RAB11FIP3: variants seen among roughly 807,000 people sequenced by gnomAD.
The protein encoded by RAB11FIP3 is RAB11 family interacting protein 3, also known as rab11 family-interacting protein 3.
In RAB11FIP3, 17 loss-of-function variants were observed where a neutral mutation model predicts 77.8. That is an observed-to-expected ratio of 0.22 (90% CI 0.15 to 0.33). RAB11FIP3 has a LOEUF of 0.33. Among genes scored for constraint, RAB11FIP3 ranks in the 10% least tolerant of loss-of-function variants. The probability of loss-of-function intolerance (pLI) is 1.00; values close to 1 mark genes in which losing one functional copy is unlikely to be tolerated. For synonymous variants in RAB11FIP3, 437 were observed against 448.2 expected (o/e 0.98, Z 0.31); for missense variants, 1,005 against 1,011.2 (o/e 0.99, Z 0.08).
In RAB11FIP3 at chr16:436,465, C is replaced by CATTTATTT. The variant is rs201364080; in HGVS notation, c.714+9758_714+9765dup. ...ATGCCCCCACACCCAGCCAATGTTT[C>CATTTATTT]ATTTATTTATTTATTTATTTGTTTA... is the stretch of plus-strand genomic sequence containing the variant. On this transcript the variant is annotated intron_variant, in intron 1 of 13. Transcript: ENST00000262305. 5.9e-3 allele frequency among the ~76,000 whole-genome samples: 893 copies of CATTTATTT among 151,984 alleles called. 13 individuals carry two copies. Among genetic ancestry groups the CATTTATTT allele is most frequent in the African/African-American group, 0.02 (847 of 41,406 alleles).
chr16:471,162 CCCCCCCCAGGG>C lies in RAB11FIP3; in HGVS notation c.809-127_809-117del. 1 of 669,492 alleles carries C rather than the reference CCCCCCCCAGGG, an allele frequency of 1.5e-6. No individual in the cohort carries two copies. Among genetic ancestry groups the C allele is most frequent in the Non-Finnish European group, 2.6e-6 (1 of 384,638 alleles). 41.5% of individuals were successfully genotyped at this position (669,492 alleles called of 1,614,324 possible). A position where few individuals can be genotyped will look rare whatever the true frequency, so the allele number is the denominator to read the frequency against. On this transcript the variant is annotated intron_variant, in intron 2 of 13. Coordinates refer to ENST00000262305, the MANE Select transcript of RAB11FIP3 (RefSeq NM_014700.4). The surrounding 1 kb of genome is among the most constrained non-coding windows in gnomAD (Gnocchi z 4.4). ...ATGCTCACTCCCTTGCTTGTCTTGACCCCCCCCAGGGCCCCCAACTCCCACACATCTGTCCC... is the reference window on the plus strand; with the variant it reads ...ATGCTCACTCCCTTGCTTGTCTTGACCCCCCAACTCCCACACATCTGTCCC...
intron 5 of RAB11FIP3, among the ~76,000 whole-genome samples, chr16:492,592 T>C (rs1165573295): frequency 7.1e-6 from 1 of 140,482 alleles, no homozygotes; most frequent in Non-Finnish European, 1.5e-5. Flanking sequence ...GAAATCAGTT[T>C]CTGCCTGCGT....
At chr16:447,460 C>T (rs549190146) in intron 1 of RAB11FIP3, among the ~76,000 whole-genome samples, 2 of 152,242 alleles carry the variant, frequency 1.3e-5, no homozygotes, top group East Asian at 1.9e-4. Context: ...ATATTGTGGC[C>T]GGGCGCAGTG....
chr16:510,278 CGCG>C (rs1427322063), intron 8 of RAB11FIP3, among the ~76,000 whole-genome samples: 13 of 152,278 alleles, frequency 8.5e-5, no homozygotes, highest in African/African-American at 2.6e-4. Context: ...TCTGAGCGCA[CGCG>C]TTGTGTGTAG....
Position 426,871 on chromosome 16 carries a change from G to A in RAB11FIP3, c.714+151G>A. The A allele has an allele frequency of 1.9e-6, 1 of 535,544 alleles. No homozygotes were observed. The highest frequency in any genetic ancestry group is 3.3e-5 in the East Asian group (1 of 29,976). The allele number at this position is 535,544 out of a possible 1,614,324, so 33.2% of individuals were successfully genotyped here. The stretch of plus-strand genomic sequence containing the variant: ...GCTTTTTCTGCTTATTCACCACTTC[G>A]GCCCTGGATTTCTGGTTGAATTGCG... On this transcript the variant is annotated intron_variant, in intron 1 of 13. Coordinates refer to ENST00000262305, the MANE Select transcript of RAB11FIP3 (RefSeq NM_014700.4). This position sits in a 1 kb window ranked among gnomAD's most constrained non-coding sequence, Gnocchi z 5.0.
At chr16:476,207 G>C (rs2055904847) in intron 3 of RAB11FIP3, among the ~76,000 whole-genome samples, 1 of 152,206 alleles carries the variant, frequency 6.6e-6, no homozygotes, top group Non-Finnish European at 1.5e-5. Context: ...CGGAGCGTGT[G>C]AGTTCCAGGC....
At chr16:447,574 A>G (rs1173203756) in intron 1 of RAB11FIP3, among the ~76,000 whole-genome samples, 4 of 152,120 alleles carry the variant, frequency 2.6e-5, no homozygotes, top group Non-Finnish European at 4.4e-5. Context: ...CGTCTCTCCT[A>G]ATAGTACAAA....
rs776010023 is a variant in RAB11FIP3, at chr16:426,335, C to A, written c.329C>A (p.Pro110Gln). Residue 110 changes from proline (P) to glutamine (Q), a missense_variant, in exon 1 of 14, where the codon CCG (proline) becomes CAG (glutamine). Physicochemically the swap from Pro to Gln is moderately conservative, Grantham distance 76 (BLOSUM62 -1). This residue lies in a region of RAB11FIP3 where 466 missense variants were observed against 408.3 expected (regional missense o/e 1.14). Transcript: ENST00000262305. This position sits in a 1 kb window ranked among gnomAD's most constrained non-coding sequence, Gnocchi z 5.0. ...AGCCCCGACGCCCCGGGCCCAGGGC[C>A]GCGCTCCGAAGCGCCGCTTCCAGAA... ...LASPDAPGPG[P>Q]RSEAPLPELD... The A allele has an allele frequency of 1.3e-6, 2 of 1,492,404 alleles. No homozygotes were observed. The highest frequency in any genetic ancestry group is 1.8e-6 in the Non-Finnish European group (2 of 1,121,342). The allele number at this position is 1,492,404 out of a possible 1,614,324, so 92.4% of individuals were successfully genotyped here.
In RAB11FIP3 at chr16:505,461, C is replaced by A; in HGVS notation, c.1396-63C>A. 7.2e-7 allele frequency: 1 copy of A among 1,386,168 alleles called. No homozygotes were observed. Among genetic ancestry groups the A allele is most frequent in the South Asian group, 1.3e-5 (1 of 78,696 alleles). The allele number at this position is 1,386,168 out of a possible 1,614,324, so 85.9% of individuals were successfully genotyped here. On this transcript the variant is annotated intron_variant, in intron 7 of 13. Coordinates refer to ENST00000262305, the MANE Select transcript of RAB11FIP3 (RefSeq NM_014700.4). The surrounding 1 kb of genome is among the most constrained non-coding windows in gnomAD (Gnocchi z 4.0). ...CCCAGGCGGCCTCCCAGGTTGTTCC[C>A]TTGGGGGTGCAGGCCCTTCTGCTTC... is the stretch of plus-strand genomic sequence containing the variant.
intron 5 of RAB11FIP3, among the ~76,000 whole-genome samples, chr16:494,598 G>T (rs1011054310): frequency 1.3e-5 from 2 of 151,962 alleles, no homozygotes; most frequent in Admixed American, 6.5e-5. Flanking sequence ...CTCCAGCCTG[G>T]GTGACACAGT....
intron 1 of RAB11FIP3, among the ~76,000 whole-genome samples, chr16:447,347 C>T (rs964284674): frequency 2.6e-5 from 4 of 152,034 alleles, no homozygotes; most frequent in African/African-American, 7.2e-5. Context: ...GATGGCGTCT[C>T]GCTCTGTCAC....
At chr16:495,596 C>T (rs2031052876) in intron 5 of RAB11FIP3, among the ~76,000 whole-genome samples, 1 of 152,206 alleles carries the variant, frequency 6.6e-6, no homozygotes, top group African/African-American at 2.4e-5. Flanking sequence ...GCTGTGTTCA[C>T]TCCTCGGCTC....
chr16:507,947 C>G lies in RAB11FIP3; in HGVS notation c.1499+2320C>G, dbSNP rs2031956372. On this transcript the variant is annotated intron_variant, in intron 8 of 13. Transcript: ENST00000262305. The surrounding 1 kb of genome is among the most constrained non-coding windows in gnomAD (Gnocchi z 4.6). ...ATCTGCCCGTTCTGAGCCATTTGCT[C>G]TCTAGCTGTGCCGTACAGCTGCCAT... Among the ~76,000 whole-genome samples, 2 of 152,284 alleles carry G rather than the reference C, an allele frequency of 1.3e-5. No individual in the cohort carries two copies. The highest frequency in any genetic ancestry group is 6.5e-5 in the Admixed American group (1 of 15,290).
intron 6 of RAB11FIP3, among the ~76,000 whole-genome samples, chr16:500,149 C>T (rs945088538): frequency 6.6e-6 from 1 of 152,150 alleles, no homozygotes; most frequent in Non-Finnish European, 1.5e-5. Flanking sequence ...GTGCAGAGAC[C>T]GGGGGCTCCG....
rs1339415553 is a variant in RAB11FIP3 at position 437,156 on chromosome 16, T to C, written c.714+10436T>C. 2.6e-5 allele frequency among the ~76,000 whole-genome samples: 4 copies of C among 151,866 alleles called. 1 individual carries two copies. The highest frequency in any genetic ancestry group is 9.7e-5 in the African/African-American group (4 of 41,326). The stretch of plus-strand genomic sequence containing the variant: ...AGCTGGGTGTGGTGGCGGGCACCTA[T>C]AGTCCCAGCTACTGGGGAGGCTAAG... On this transcript the variant is annotated intron_variant, in intron 1 of 13. Transcript: ENST00000262305.
In RAB11FIP3 at chr16:510,753, C is replaced by T; in HGVS notation, c.1593C>T (p.Cys531=). 1 of 1,613,336 alleles carries T rather than the reference C, an allele frequency of 6.2e-7. No individual in the cohort carries two copies. Among genetic ancestry groups the T allele is most frequent in the Non-Finnish European group, 8.5e-7 (1 of 1,179,842 alleles). Residue 531 remains cysteine (C), a synonymous_variant, in exon 9 of 14, where the codon TGC becomes TGT. Coordinates refer to ENST00000262305, the MANE Select transcript of RAB11FIP3 (RefSeq NM_014700.4). ...EETRRQKELL[C]KMEREKSIEI... ...CCCGGCGTCAGAAGGAGCTCCTGTG[C>T]AAGATGGAGAGGGAGAAGAGCATTG... is the stretch of plus-strand genomic sequence containing the variant.
Position 426,452 on chromosome 16 carries a change from G to T in RAB11FIP3, c.446G>T (p.Ser149Ile). The change falls in exon 1 of 14, where the codon AGC becomes ATC. Residue 149 changes from serine (S) to isoleucine (I), a missense_variant. Transcript: ENST00000262305. This position sits in a 1 kb window ranked among gnomAD's most constrained non-coding sequence, Gnocchi z 5.0. Reference protein sequence around the residue: ...ESAPFRLQGSSSSHRARGEVD... With the variant: ...ESAPFRLQGSISSHRARGEVD... The stretch of plus-strand genomic sequence containing the variant: ...GCGCCTTTCCGCTTGCAGGGGTCCA[G>T]CAGCAGCCACCGAGCGCGGGGCGAG... 1 of 1,584,728 alleles carries T rather than the reference G, an allele frequency of 6.3e-7. No homozygotes were observed.
chr16:435,599 T>G (rs954291309), intron 1 of RAB11FIP3, among the ~76,000 whole-genome samples: 2 of 152,200 alleles, frequency 1.3e-5, no homozygotes, highest in African/African-American at 4.8e-5. Flanking sequence ...TTGGGAGATA[T>G]GAGTGTGTAG....
At chr16:511,407 A>C (rs1305330712) in intron 9 of RAB11FIP3, among the ~76,000 whole-genome samples, 421 of 63,264 alleles carry the variant, frequency 6.7e-3, no homozygotes, top group African/African-American at 0.019. Context: ...ACAGCCCGCC[A>C]ACCCCAGAAC....
Sources: gnomAD v4.1 joint callset for allele counts (sites outside exome capture counted in the v4.1 genomes callset) on GRCh38, gnomAD v4.1.1 for gene constraint, gnomAD v4.1.1 regional missense constraint, Gnocchi (gnomAD v3.1) non-coding constraint, MANE v1.5 for transcripts, NCBI Gene and HGNC (gene_info 2026-07-23, HGNC 2026-07-21) for gene names.